Variants in NDC1 observed in about 807,000 individuals in gnomAD.
NDC1 encodes nucleoporin NDC1.
NDC1 carries 24 observed loss-of-function variants against 89.8 expected under a neutral mutation model. The ratio of observed to expected loss-of-function variants is 0.27; its 90% CI spans 0.19 to 0.38. NDC1 has a LOEUF of 0.38. NDC1 is among the 10% of genes least tolerant of loss of function. The pLI is 1.00. For missense variants in NDC1, 728 were observed against 797.6 expected (o/e 0.91, Z 1.05); for synonymous variants, 296 against 284.8 (o/e 1.04, Z -0.39).
Position 53,767,337 on chromosome 1 carries a change from C to G in NDC1, c.*633G>C, listed in dbSNP as rs905125818. 21 of 152,166 alleles carry G rather than the reference C, an allele frequency of 1.4e-4. No homozygotes were observed. Among genetic ancestry groups the G allele is most frequent in the Admixed American group, 1.2e-3 (19 of 15,264 alleles). The allele number at this position is 152,166 out of a possible 1,614,324, so 9.4% of individuals were successfully genotyped here. A position where few individuals can be genotyped will look rare whatever the true frequency, so the allele number is the denominator to read the frequency against. The stretch of plus-strand genomic sequence containing the variant: ...AATTTTTAATCTTGTAACTTAAGAA[C>G]TGAGTTTTTCCACATTCCTTTATAT... On this transcript the variant is annotated 3_prime_UTR_variant, in exon 18 of 18. Coordinates refer to ENST00000371429, the MANE Select transcript of NDC1 (RefSeq NM_018087.5).
At chr1:53,822,785 T>C (rs1402979093) in intron 5 of NDC1, among the ~76,000 whole-genome samples, 5 of 152,096 alleles carry the variant, frequency 3.3e-5, no homozygotes, top group African/African-American at 1.2e-4. Flanking sequence ...AATAAATAAA[T>C]AAATAATGAT....
chr1:53,797,037 C>T lies in NDC1; in HGVS notation c.1330G>A (p.Val444Met), dbSNP rs1346197592. ...FSSKLSTPDV[V>M]SPFGTPFGSS... ...CCAAATGGGGTCCCAAATGGGCTCA[C>T]AACATCAGGTGTAGATAATTTTGAA... The change falls in exon 12 of 18, where the codon GTG becomes ATG. Residue 444 changes from valine (V) to methionine (M), a missense_variant. By Grantham distance (21) the Val-to-Met change is conservative. Coordinates refer to ENST00000371429, the MANE Select transcript of NDC1 (RefSeq NM_018087.5). 2.5e-6 allele frequency: 4 copies of T among 1,614,016 alleles called. No homozygotes were observed. Among genetic ancestry groups the T allele is most frequent in the East Asian group, 2.2e-5 (1 of 44,892 alleles).
chr1:53,807,680 T>C lies in NDC1; in HGVS notation c.867A>G (p.Ile289Met). 1 of 1,610,318 alleles carries C rather than the reference T, an allele frequency of 6.2e-7. No homozygotes were observed. The highest frequency in any genetic ancestry group is 8.5e-7 in the Non-Finnish European group (1 of 1,178,834). ...CCTCTGTGGCATAGATTTTGAAGAGTATCCATGAGACATACCAAGTCGTCA... is the reference window on the plus strand; with the variant it reads ...CCTCTGTGGCATAGATTTTGAAGAGCATCCATGAGACATACCAAGTCGTCA... ...FLLTTWYVSWILFKIYATEAH... is the reference protein window; with the variant it reads ...FLLTTWYVSWMLFKIYATEAH... The change falls in exon 8 of 18, where the codon ATA becomes ATG. Residue 289 changes from isoleucine (I) to methionine (M), a missense_variant. Coordinates refer to ENST00000371429, the MANE Select transcript of NDC1 (RefSeq NM_018087.5).
chr1:53,806,583 A>C, intron 8 of NDC1, 66 bp from the exon 9 acceptor site: 1 of 997,554 alleles, frequency 1.0e-6, no homozygotes, highest in Non-Finnish European at 1.4e-6. Context: ...AGCATGCACA[A>C]ATTAAAACAT....
chr1:53,810,028 C>T (rs1648249962), intron 6 of NDC1, among the ~76,000 whole-genome samples: 1 of 152,214 alleles, frequency 6.6e-6, no homozygotes, highest in African/African-American at 2.4e-5. Context: ...GGTATATTAA[C>T]TATAAGCAAC....
At chr1:53,800,563 G>A in intron 11 of NDC1, 130 bp downstream of exon 11, 1 of 865,384 alleles carries the variant, frequency 1.2e-6, no homozygotes, top group Non-Finnish European at 1.8e-6. Context: ...TTGACCTCAT[G>A]ATCCGCCCAC....
intron 2 of NDC1, 82 bp downstream of exon 2, chr1:53,835,418 A>C: frequency 8.3e-7 from 1 of 1,201,990 alleles, no homozygotes; most frequent in Non-Finnish European, 1.2e-6. Context: ...AGTAATTGAA[A>C]ATAAACTGCT....
rs1198766677 is a variant in NDC1, at chr1:53,832,571, T to C, written c.199A>G (p.Ser67Gly). ...AGGAAGTAAAAGATTACATAGGAACTATACAGGTCACTGAAAGAATCTAAA... is the reference window on the plus strand; with the variant it reads ...AGGAAGTAAAAGATTACATAGGAACCATACAGGTCACTGAAAGAATCTAAA... ...WLSDSFSDLY[S>G]SYVIFYFLLL... The change falls in exon 3 of 18, where the codon AGT becomes GGT. Residue 67 changes from serine to glycine, a missense_variant. Physicochemically the swap from Ser to Gly is moderately conservative, Grantham distance 56. Coordinates refer to ENST00000371429, the MANE Select transcript of NDC1 (RefSeq NM_018087.5). 1.3e-6 allele frequency: 2 copies of C among 1,578,138 alleles called. No homozygotes were observed. The highest frequency in any genetic ancestry group is 1.7e-6 in the Non-Finnish European group (2 of 1,148,294).
At chr1:53,778,260 TACACACACACACAC>T (rs202023880) in intron 16 of NDC1, among the ~76,000 whole-genome samples, 154 of 144,782 alleles carry the variant, frequency 1.1e-3, no homozygotes, top group African/African-American at 3.8e-3. Context: ...TGTGTGTATA[TACACACACACACAC>T]ACACACACAC....
intron 1 of NDC1, among the ~76,000 whole-genome samples, chr1:53,837,665 A>G (rs892928295): frequency 1.3e-5 from 2 of 152,332 alleles, no homozygotes; most frequent in African/African-American, 4.8e-5. Context: ...CACTTTTCCA[A>G]AAGGGATCTT....
intron 11 of NDC1, among the ~76,000 whole-genome samples, chr1:53,798,180 ATTATTT>A (rs1269349397): frequency 1.5e-4 from 22 of 143,232 alleles, no homozygotes; most frequent in Admixed American, 7.5e-4. Flanking sequence ...TATTATTATT[ATTATTT>A]TGAGATAGAG....
intron 3 of NDC1, among the ~76,000 whole-genome samples, chr1:53,828,959 T>C (rs1171792779): frequency 2.0e-5 from 3 of 152,142 alleles, no homozygotes; most frequent in Non-Finnish European, 4.4e-5. Flanking sequence ...ACTGTCAATA[T>C]ATAATCCACT....
rs1648574023 is a variant in NDC1, at chr1:53,819,096, A to G, written c.595-17T>C. 2.4e-6 allele frequency: 3 copies of G among 1,270,808 alleles called. No homozygotes were observed. The highest frequency in any genetic ancestry group is 3.4e-6 in the Non-Finnish European group (3 of 887,276). The allele number at this position is 1,270,808 out of a possible 1,614,324, so 78.7% of individuals were successfully genotyped here. On this transcript the variant is annotated splice_polypyrimidine_tract_variant and intron_variant, in intron 5 of 17. Coordinates refer to ENST00000371429, the MANE Select transcript of NDC1 (RefSeq NM_018087.5). ...CTTGTATTGCTGTGGGGAAAAAAAA[A>G]AGAATCAAATGACACATTCAAATCA...
chr1:53,820,863 G>A (rs374573641), intron 5 of NDC1, among the ~76,000 whole-genome samples: 4 of 151,220 alleles, frequency 2.6e-5, no homozygotes, highest in South Asian at 2.1e-4. Flanking sequence ...GGCACGCCAC[G>A]CCTGGCTAAT....
At position 53,787,196 on chromosome 1, in the gene NDC1, G is replaced by T; in HGVS notation, c.1762C>A (p.Leu588Ile). Residue 588 changes from leucine (L) to isoleucine (I), a missense_variant, in exon 16 of 18, where the codon CTA (leucine) becomes ATA (isoleucine). Coordinates refer to ENST00000371429, the MANE Select transcript of NDC1 (RefSeq NM_018087.5). ...AACAAAGTATTAAGGATAGCTGGTA[G>T]TGTCGTCTGGACAACTCCAAATCTA... is the stretch of plus-strand genomic sequence containing the variant. Reference protein sequence around the residue: ...EDRFGVVQTTLPAILNTLLTL... With the variant: ...EDRFGVVQTTIPAILNTLLTL... The T allele has an allele frequency of 6.2e-7, 1 of 1,610,866 alleles. No homozygotes were observed. The highest frequency in any genetic ancestry group is 8.5e-7 in the Non-Finnish European group (1 of 1,178,586).
chr1:53,782,107 A>G (rs941504435), intron 16 of NDC1, among the ~76,000 whole-genome samples: 25 of 152,178 alleles, frequency 1.6e-4, no homozygotes, highest in African/African-American at 6.0e-4. Context: ...AAGGAGAAAA[A>G]TATGTTCTAG....
In NDC1 at chr1:53,825,804, G is replaced by C. The variant is rs778202878; in HGVS notation, c.588C>G (p.Ile196Met). The part of the protein sequence containing the change: ...VNNMNYLPFP[I>M]IQQYKFLRFR... ...AATGCTCAAATGATCTTACCTGTAT[G>C]ATGGGAAATGGAAGATAGTTCATGT... The change falls in exon 5 of 18, where the codon ATC (isoleucine) becomes ATG (methionine). Residue 196 changes from isoleucine to methionine, a missense_variant. Ile to Met is a conservative substitution (Grantham distance 10). Transcript: ENST00000371429. 3.1e-5 allele frequency: 49 copies of C among 1,588,728 alleles called. 1 individual carries two copies. The South Asian group carries it at 4.2e-4, about 13-fold the overall frequency.
At chr1:53,801,102 A>C (rs571003989) in intron 10 of NDC1, among the ~76,000 whole-genome samples, 1 of 152,140 alleles carries the variant, frequency 6.6e-6, no homozygotes, top group Non-Finnish European at 1.5e-5. Context: ...AAAAAAAAAA[A>C]AACAAAAAAC....
At chr1:53,820,214 C>T (rs1648618647) in intron 5 of NDC1, among the ~76,000 whole-genome samples, 1 of 151,034 alleles carries the variant, frequency 6.6e-6, no homozygotes, top group African/African-American at 2.4e-5. Flanking sequence ...AAGACTGCAC[C>T]ACTGCACTCC....
Sources: allele counts gnomAD v4.1 joint callset (sites outside exome capture counted in the v4.1 genomes callset), GRCh38; gene constraint gnomAD v4.1.1; transcripts MANE v1.5; gene names NCBI Gene and HGNC (gene_info 2026-07-23, HGNC 2026-07-21).